CETN1: variants seen among roughly 807,000 people sequenced by gnomAD.
CETN1 encodes the protein centrin 1, also known as centrin-1.
Under a neutral mutation model 8.1 loss-of-function variants are expected in CETN1, and 6 were observed. The observed-to-expected ratio is 0.74, with a 90% CI of 0.40 to 1.46. The LOEUF (loss-of-function observed/expected upper bound fraction) is 1.46, where lower values mean the gene tolerates loss of function less well. Among genes scored for constraint, CETN1 ranks in the 40% most tolerant of loss-of-function variants. CETN1 has a pLI of 0.02. For synonymous variants in CETN1, 99 were observed against 90.3 expected (o/e 1.10, Z -0.55); for missense variants, 215 against 226.2 (o/e 0.95, Z 0.32).
Position 580,810 on chromosome 18 carries a change from G to A in CETN1, c.402G>A (p.Gly134=). The A allele has an allele frequency of 6.2e-7, 1 of 1,614,120 alleles. No homozygotes were observed. The highest frequency in any genetic ancestry group is 1.1e-5 in the South Asian group (1 of 91,066). Residue 134 remains glycine, a synonymous_variant, in exon 1 of 1, where the codon GGG becomes GGA. Coordinates refer to ENST00000327228, the MANE Select transcript of CETN1 (RefSeq NM_004066.3). The surrounding 1 kb of genome is among the most constrained non-coding windows in gnomAD (Gnocchi z 6.1). ...TGAAGCGTGTGGCCAACGAGCTGGG[G>A]GAGAACCTCACGGATGAGGAGCTGC... ...KNLKRVANEL[G]ENLTDEELQE...
chr18:580,509 G>C lies in CETN1; in HGVS notation c.101G>C (p.Arg34Pro). Residue 34 changes from arginine (R) to proline (P), a missense_variant, in exon 1 of 1, where the codon CGG (arginine) becomes CCG (proline). Transcript: ENST00000327228. The surrounding 1 kb of genome is among the most constrained non-coding windows in gnomAD (Gnocchi z 6.1). ...ACTGAGGATCAGAAGCAAGAAGTTC[G>C]GGAAGCATTTGACCTCTTCGACGTG... ...ELTEDQKQEV[R>P]EAFDLFDVDG... The C allele has an allele frequency of 6.2e-7, 1 of 1,614,154 alleles. No individual in the cohort carries two copies. The highest frequency in any genetic ancestry group is 8.5e-7 in the Non-Finnish European group (1 of 1,180,014).
chr18:580,801 C>G lies in CETN1; in HGVS notation c.393C>G (p.Asn131Lys). ...ISFKNLKRVA[N>K]ELGENLTDEE... ...TCAAAAACCTGAAGCGTGTGGCCAACGAGCTGGGGGAGAACCTCACGGATG... is the reference window on the plus strand; with the variant it reads ...TCAAAAACCTGAAGCGTGTGGCCAAGGAGCTGGGGGAGAACCTCACGGATG... Residue 131 changes from asparagine (N) to lysine (K), a missense_variant, in exon 1 of 1, where the codon AAC becomes AAG. Asn to Lys is a moderately conservative substitution (Grantham distance 94). Coordinates refer to ENST00000327228, the MANE Select transcript of CETN1 (RefSeq NM_004066.3). This position sits in a 1 kb window ranked among gnomAD's most constrained non-coding sequence, Gnocchi z 6.1. 1 of 1,613,988 alleles carries G rather than the reference C, an allele frequency of 6.2e-7. No homozygotes were observed. Among genetic ancestry groups the G allele is most frequent in the Non-Finnish European group, 8.5e-7 (1 of 1,179,996 alleles).
Position 581,895 on chromosome 18 carries a change from T to C in CETN1, c.*968T>C, listed in dbSNP as rs1225990126. On this transcript the variant is annotated 3_prime_UTR_variant, in exon 1 of 1. Transcript: ENST00000327228. ...GACTTTTAGCCCCTCTGACATATAG[T>C]TGATGTCAGAGTGTCTGGCATTTCA... The C allele has an allele frequency of 1.2e-5, 2 of 167,028 alleles. No homozygotes were observed. The highest frequency in any genetic ancestry group is 1.3e-4 in the Admixed American group (2 of 15,274). 10.3% of individuals were successfully genotyped at this position (167,028 alleles called of 1,614,324 possible).
In CETN1 at chr18:580,607, G is replaced by C; in HGVS notation, c.199G>C (p.Glu67Gln). ...MRALGFEPRKEEMKKMISEVD... is the reference protein window; with the variant it reads ...MRALGFEPRKQEMKKMISEVD... The stretch of plus-strand genomic sequence containing the variant: ...AGCGCTGGGCTTCGAACCCAGGAAG[G>C]AAGAGATGAAGAAAATGATCTCCGA... Residue 67 changes from glutamate to glutamine, a missense_variant, in exon 1 of 1, where the codon GAA (glutamate) becomes CAA (glutamine). Transcript: ENST00000327228. This position sits in a 1 kb window ranked among gnomAD's most constrained non-coding sequence, Gnocchi z 6.1. 1 of 1,614,166 alleles carries C rather than the reference G, an allele frequency of 6.2e-7. No homozygotes were observed. Among genetic ancestry groups the C allele is most frequent in the South Asian group, 1.1e-5 (1 of 91,078 alleles).
Position 580,600 on chromosome 18 carries a change from C to T in CETN1, c.192C>T (p.Pro64=), listed in dbSNP as rs2072544282. ...CCATGAGAGCGCTGGGCTTCGAACC[C>T]AGGAAGGAAGAGATGAAGAAAATGA... The part of the protein sequence containing the change: ...KVAMRALGFE[P]RKEEMKKMIS... The change falls in exon 1 of 1, where the codon CCC becomes CCT. Residue 64 remains proline (P), a synonymous_variant. Transcript: ENST00000327228. The surrounding 1 kb of genome is among the most constrained non-coding windows in gnomAD (Gnocchi z 6.1). 2 of 1,613,178 alleles carry T rather than the reference C, an allele frequency of 1.2e-6. No homozygotes were observed. The highest frequency in any genetic ancestry group is 1.3e-5 in the African/African-American group (1 of 75,034).
rs2072551369 is a variant in CETN1 at position 581,788 on chromosome 18, T to A, written c.*861T>A. On this transcript the variant is annotated 3_prime_UTR_variant, in exon 1 of 1. Transcript: ENST00000327228. ...ACAAATATCTTAGTTATTGGACTAT[T>A]ATAACCTTAGTCATCTTATTACTGC... The A allele has an allele frequency of 6.0e-6, 1 of 166,742 alleles. No individual in the cohort carries two copies. Among genetic ancestry groups the A allele is most frequent in the Non-Finnish European group, 1.5e-5 (1 of 68,124 alleles). The allele number at this position is 166,742 out of a possible 1,614,324, so 10.3% of individuals were successfully genotyped here.
In CETN1 at chr18:581,532, G is replaced by C. The variant is rs1036045143; in HGVS notation, c.*605G>C. 6.0e-6 allele frequency: 1 copy of C among 167,272 alleles called. No homozygotes were observed. Among genetic ancestry groups the C allele is most frequent in the Admixed American group, 6.5e-5 (1 of 15,308 alleles). 10.4% of individuals were successfully genotyped at this position (167,272 alleles called of 1,614,324 possible). A position where few individuals can be genotyped will look rare whatever the true frequency, so the allele number is the denominator to read the frequency against. On this transcript the variant is annotated 3_prime_UTR_variant, in exon 1 of 1. Transcript: ENST00000327228. ...GCTTTATACCTGCAAATGATTCTTC[G>C]TTCATGTGTAAATTGTCCACCATGG...
Position 581,697 on chromosome 18 carries a change from T to C in CETN1, c.*770T>C, listed in dbSNP as rs1681866605. 6.0e-6 allele frequency: 1 copy of C among 166,666 alleles called. No homozygotes were observed. The allele number at this position is 166,666 out of a possible 1,614,324, so 10.3% of individuals were successfully genotyped here. A position where few individuals can be genotyped will look rare whatever the true frequency, so the allele number is the denominator to read the frequency against. ...AATATTTACAAATGTAGGATCTTAG[T>C]TTAGGAAATTATAACAAATACCTTA... On this transcript the variant is annotated 3_prime_UTR_variant, in exon 1 of 1. Transcript: ENST00000327228.
In CETN1 at chr18:581,171, C is replaced by T. The variant is rs1264502118; in HGVS notation, c.*244C>T. The T allele has an allele frequency of 1.3e-5, 6 of 471,332 alleles. No homozygotes were observed. The highest frequency in any genetic ancestry group is 6.6e-5 in the South Asian group (2 of 30,104). 29.2% of individuals were successfully genotyped at this position (471,332 alleles called of 1,614,324 possible). A position where few individuals can be genotyped will look rare whatever the true frequency, so the allele number is the denominator to read the frequency against. ...AACAAAGGGCCCTGAAGTTTGAGTGCGCCCTCCATTTGCCCTGTGCTGAAC... is the reference window on the plus strand; with the variant it reads ...AACAAAGGGCCCTGAAGTTTGAGTGTGCCCTCCATTTGCCCTGTGCTGAAC... On this transcript the variant is annotated 3_prime_UTR_variant, in exon 1 of 1. Coordinates refer to ENST00000327228, the MANE Select transcript of CETN1 (RefSeq NM_004066.3).
Position 580,516 on chromosome 18 carries a change from A to G in CETN1, c.108A>G (p.Ala36=). The G allele has an allele frequency of 1.2e-6, 2 of 1,614,192 alleles. No homozygotes were observed. Among genetic ancestry groups the G allele is most frequent in the South Asian group, 1.1e-5 (1 of 91,090 alleles). Residue 36 remains alanine, a synonymous_variant, in exon 1 of 1, where the codon GCA becomes GCG. Transcript: ENST00000327228. The surrounding 1 kb of genome is among the most constrained non-coding windows in gnomAD (Gnocchi z 6.1). The part of the protein sequence containing the change: ...TEDQKQEVRE[A]FDLFDVDGSG... ...ATCAGAAGCAAGAAGTTCGGGAAGC[A>G]TTTGACCTCTTCGACGTGGACGGAA...
At position 580,768 on chromosome 18, in the gene CETN1, G is replaced by A. The variant is rs778495526; in HGVS notation, c.360G>A (p.Lys120=). 1 of 1,614,066 alleles carries A rather than the reference G, an allele frequency of 6.2e-7. No homozygotes were observed. The highest frequency in any genetic ancestry group is 8.5e-7 in the Non-Finnish European group (1 of 1,180,034). The change falls in exon 1 of 1, where the codon AAG becomes AAA. Residue 120 remains lysine, a synonymous_variant. Transcript: ENST00000327228. The surrounding 1 kb of genome is among the most constrained non-coding windows in gnomAD (Gnocchi z 6.1). ...FRLFDDDETG[K]ISFKNLKRVA... ...TCTTTGATGACGATGAGACCGGGAA[G>A]ATCTCGTTCAAAAACCTGAAGCGTG...
At position 580,399 on chromosome 18, in the gene CETN1, G is replaced by C. The variant is rs1192600237; in HGVS notation, c.-10G>C. On this transcript the variant is annotated 5_prime_UTR_variant, in exon 1 of 1. Transcript: ENST00000327228. The surrounding 1 kb of genome is among the most constrained non-coding windows in gnomAD (Gnocchi z 6.1). ...GGTGCCGTTGGGACCACGGCGGCCAGAGCGGCAGGATGGCTTCCGGCTTCA... is the reference window on the plus strand; with the variant it reads ...GGTGCCGTTGGGACCACGGCGGCCACAGCGGCAGGATGGCTTCCGGCTTCA... The C allele has an allele frequency of 1.3e-6, 2 of 1,554,978 alleles. No homozygotes were observed. Among genetic ancestry groups the C allele is most frequent in the Non-Finnish European group, 1.7e-6 (2 of 1,153,574 alleles).
Position 581,155 on chromosome 18 carries a change from C to T in CETN1, c.*228C>T, listed in dbSNP as rs144780218. ...GGAGCACATGAGGTTAAACAAAGGGCCCTGAAGTTTGAGTGCGCCCTCCAT... is the reference window on the plus strand; with the variant it reads ...GGAGCACATGAGGTTAAACAAAGGGTCCTGAAGTTTGAGTGCGCCCTCCAT... On this transcript the variant is annotated 3_prime_UTR_variant, in exon 1 of 1. Transcript: ENST00000327228. 1,143 of 525,576 alleles carry T rather than the reference C, an allele frequency of 2.2e-3. 16 individuals carry two copies. Among genetic ancestry groups the T allele is most frequent in the African/African-American group, 0.021 (1,059 of 51,560 alleles). 32.6% of individuals were successfully genotyped at this position (525,576 alleles called of 1,614,324 possible). A position where few individuals can be genotyped will look rare whatever the true frequency, so the allele number is the denominator to read the frequency against.
rs758935169 is a variant in CETN1 at position 580,638 on chromosome 18, A to T, written c.230A>T (p.Asp77Val). The T allele has an allele frequency of 6.2e-7, 1 of 1,614,122 alleles. No individual in the cohort carries two copies. ...EEMKKMISEV[D>V]REGTGKISFN... ...ATGAAGAAAATGATCTCCGAGGTGG[A>T]CAGGGAAGGCACGGGGAAGATCAGC... The change falls in exon 1 of 1, where the codon GAC (aspartate) becomes GTC (valine). Residue 77 changes from aspartate (D) to valine (V), a missense_variant. Transcript: ENST00000327228. The surrounding 1 kb of genome is among the most constrained non-coding windows in gnomAD (Gnocchi z 6.1).
Position 581,119 on chromosome 18 carries a change from A to G in CETN1, c.*192A>G. The G allele has an allele frequency of 1.5e-6, 1 of 667,400 alleles. No homozygotes were observed. The allele number at this position is 667,400 out of a possible 1,614,324, so 41.3% of individuals were successfully genotyped here. A position where few individuals can be genotyped will look rare whatever the true frequency, so the allele number is the denominator to read the frequency against. The stretch of plus-strand genomic sequence containing the variant: ...TGTGAGTTTTGGGTTTTAATTCTCA[A>G]GAGTCAACCTGGAGCACATGAGGTT... On this transcript the variant is annotated 3_prime_UTR_variant, in exon 1 of 1. Coordinates refer to ENST00000327228, the MANE Select transcript of CETN1 (RefSeq NM_004066.3).
Position 580,873 on chromosome 18 carries a change from C to A in CETN1, c.465C>A (p.Gly155=), listed in dbSNP as rs745607980. 1 of 1,613,752 alleles carries A rather than the reference C, an allele frequency of 6.2e-7. No individual in the cohort carries two copies. Among genetic ancestry groups the A allele is most frequent in the South Asian group, 1.1e-5 (1 of 91,060 alleles). The part of the protein sequence containing the change: ...MIDEADRDGD[G]EVNEEEFLRI... ...ACGAAGCTGATCGGGATGGGGACGGCGAAGTGAACGAGGAGGAGTTCCTTC... is the reference window on the plus strand; with the variant it reads ...ACGAAGCTGATCGGGATGGGGACGGAGAAGTGAACGAGGAGGAGTTCCTTC... The change falls in exon 1 of 1, where the codon GGC becomes GGA. Residue 155 remains glycine, a synonymous_variant. Coordinates refer to ENST00000327228, the MANE Select transcript of CETN1 (RefSeq NM_004066.3). The surrounding 1 kb of genome is among the most constrained non-coding windows in gnomAD (Gnocchi z 6.1).
chr18:580,914 C>G lies in CETN1; in HGVS notation c.506C>G (p.Thr169Ser). 2.5e-6 allele frequency: 4 copies of G among 1,609,762 alleles called. No individual in the cohort carries two copies. The highest frequency in any genetic ancestry group is 3.4e-6 in the Non-Finnish European group (4 of 1,177,260). The change falls in exon 1 of 1, where the codon ACC becomes AGC. Residue 169 changes from threonine to serine, a missense_variant. Transcript: ENST00000327228. The surrounding 1 kb of genome is among the most constrained non-coding windows in gnomAD (Gnocchi z 6.1). ...GAGTTCCTTCGGATCATGAAGAAGA[C>G]CAGCCTTTACTGAAGTCGGTTCAGA... ...EEEFLRIMKK[T>S]SLY is the part of the protein sequence containing the mutation.
In CETN1 at chr18:581,216, C is replaced by G; in HGVS notation, c.*289C>G. Reference sequence around the variant, plus strand: ...CTGAACTTGCTGTTCATCTGTTGATCTGGAGGCAGGACAGCTTCTGGGACA... The same window carrying G: ...CTGAACTTGCTGTTCATCTGTTGATGTGGAGGCAGGACAGCTTCTGGGACA... On this transcript the variant is annotated 3_prime_UTR_variant, in exon 1 of 1. Transcript: ENST00000327228. 3.4e-6 allele frequency: 1 copy of G among 294,310 alleles called. No individual in the cohort carries two copies. The allele number at this position is 294,310 out of a possible 1,614,324, so 18.2% of individuals were successfully genotyped here.
In CETN1 at chr18:580,606, G is replaced by A. The variant is rs766531765; in HGVS notation, c.198G>A (p.Lys66=). The change falls in exon 1 of 1, where the codon AAG becomes AAA. Residue 66 remains lysine, a synonymous_variant. Coordinates refer to ENST00000327228, the MANE Select transcript of CETN1 (RefSeq NM_004066.3). This position sits in a 1 kb window ranked among gnomAD's most constrained non-coding sequence, Gnocchi z 6.1. ...AMRALGFEPR[K]EEMKKMISEV... is the part of the protein sequence containing the mutation. ...GAGCGCTGGGCTTCGAACCCAGGAA[G>A]GAAGAGATGAAGAAAATGATCTCCG... 2 of 1,614,186 alleles carry A rather than the reference G, an allele frequency of 1.2e-6. No individual in the cohort carries two copies. Among genetic ancestry groups the A allele is most frequent in the Non-Finnish European group, 1.7e-6 (2 of 1,180,034 alleles).
Sources: allele counts gnomAD v4.1 joint callset, GRCh38; gene constraint gnomAD v4.1.1; non-coding constraint Gnocchi (gnomAD v3.1); transcripts MANE v1.5; gene names NCBI Gene and HGNC (gene_info 2026-07-23, HGNC 2026-07-21).